LARGE1: variants seen among roughly 807,000 people sequenced by gnomAD.
LARGE1 encodes xylosyl- and glucuronyltransferase LARGE1.
In LARGE1, 43 loss-of-function variants were observed where a neutral mutation model predicts 87.6. The observed-to-expected ratio is 0.49, with a 90% CI of 0.38 to 0.63. The LOEUF (loss-of-function observed/expected upper bound fraction) is 0.63, where lower values mean the gene tolerates loss of function less well. Ranked by LOEUF, LARGE1 falls within the 30% of genes least tolerant of loss-of-function variation. The probability of loss-of-function intolerance (pLI) is 0.00; values close to 1 mark genes in which losing one functional copy is unlikely to be tolerated. For synonymous variants in LARGE1, 434 were observed against 394.6 expected (o/e 1.10, Z -1.18); for missense variants, 802 against 1,000.2 (o/e 0.80, Z 2.67).
chr22:33,760,417 C>A (rs2084680289), intron 2 of LARGE1, among the ~76,000 whole-genome samples: 1 of 151,978 alleles, frequency 6.6e-6, no homozygotes, highest in African/African-American at 2.4e-5. Context: ...TGCGCTCGGC[C>A]CCTCATGTAA....
the LARGE1 span, chr22:33,137,128 C>T: frequency 6.6e-6 from 1 of 152,062 alleles, no homozygotes; most frequent in African/African-American, 2.4e-5. Context: ...ACAAAATGCC[C>T]CTGTCCTGAT....
At chr22:33,557,845 G>C (rs1252096184) in intron 6 of LARGE1, among the ~76,000 whole-genome samples, 1 of 152,266 alleles carries the variant, frequency 6.6e-6, no homozygotes, top group East Asian at 1.9e-4. Context: ...GGGATTATGG[G>C]CACGAGCCAC....
rs141814961 is a variant in LARGE1, at chr22:33,201,292, G to C, written c.1731-34460C>G. 2.4e-3 allele frequency among the ~76,000 whole-genome samples: 357 copies of C among 151,166 alleles called. 2 individuals carry two copies. The highest frequency in any genetic ancestry group is 8.3e-3 in the African/African-American group (341 of 41,090). On this transcript the variant is annotated intron_variant, in intron 11 of 11. Coordinates refer to the LARGE1 transcript ENST00000608642. ...CATTGCACTCCAGTCTGGGCAACAA[G>C]AGCGAAACTCCATCTCAAAAAGAAA... is the stretch of plus-strand genomic sequence containing the variant.
At chr22:33,802,383 A>C (rs1392945159) in intron 1 of LARGE1, among the ~76,000 whole-genome samples, 1 of 152,182 alleles carries the variant, frequency 6.6e-6, no homozygotes, top group East Asian at 1.9e-4. Context: ...TCTTCCTTTG[A>C]TTATCACTGG....
chr22:33,422,095 C>T (rs1345853463), intron 7 of LARGE1, among the ~76,000 whole-genome samples: 13 of 152,230 alleles, frequency 8.5e-5, no homozygotes, highest in African/African-American at 3.1e-4. Flanking sequence ...AAACACAGCA[C>T]AGCTTTGCAT....
At chr22:33,277,357 C>T (rs538281337) in intron 13 of LARGE1, 102 bp from the exon 14 acceptor site, 26 of 1,120,960 alleles carry the variant, frequency 2.3e-5, no homozygotes, top group South Asian at 1.2e-4. Flanking sequence ...ATGTAGTCCT[C>T]GGGTGAGTTG....
intron 3 of LARGE1, among the ~76,000 whole-genome samples, chr22:33,650,152 C>T (rs1022062086): frequency 2.0e-5 from 3 of 152,200 alleles, no homozygotes; most frequent in Non-Finnish European, 4.4e-5. Flanking sequence ...GCCTTCTTAT[C>T]CCCATTTTCA....
chr22:33,137,763 C>T, the LARGE1 span, among the ~76,000 whole-genome samples: 60 of 152,328 alleles, frequency 3.9e-4, no homozygotes, highest in African/African-American at 1.3e-3. Flanking sequence ...AAGCCCCAAG[C>T]CTTGGCAGCT....
chr22:33,634,469 C>T (rs768725422), intron 3 of LARGE1, among the ~76,000 whole-genome samples: 5 of 152,164 alleles, frequency 3.3e-5, no homozygotes, highest in South Asian at 4.2e-4. Flanking sequence ...TGAGAGAGTA[C>T]GAGGGCGTGC....
chr22:33,584,270 C>T (rs919305161), intron 5 of LARGE1, among the ~76,000 whole-genome samples: 8 of 152,162 alleles, frequency 5.3e-5, no homozygotes, highest in Non-Finnish European at 7.3e-5. Flanking sequence ...AATGCTCTTA[C>T]GCCTCCTCTT....
rs561400062 is a variant in LARGE1, at chr22:33,849,734, G to A, written c.-83+70261C>T. Among the ~76,000 whole-genome samples, 310 of 151,832 alleles carry A rather than the reference G, an allele frequency of 2.0e-3. 1 individual carries two copies. Among genetic ancestry groups the A allele is most frequent in the South Asian group, 3.1e-3 (15 of 4,796 alleles). ...CTGCCTCAGCCTTCCAAGAAGCTGG[G>A]ATTACAGATGAGCACCACCATGCCC... On this transcript the variant is annotated intron_variant, in intron 1 of 14. Transcript: ENST00000397394.
chr22:33,577,171 G>C (rs2078379184), intron 5 of LARGE1, among the ~76,000 whole-genome samples: 1 of 151,790 alleles, frequency 6.6e-6, no homozygotes, highest in South Asian at 2.1e-4. Flanking sequence ...TGGTTCTTGT[G>C]GGGATCAAAA....
chr22:33,539,690 A>G (rs951232918), intron 6 of LARGE1, among the ~76,000 whole-genome samples: 2 of 151,530 alleles, frequency 1.3e-5, no homozygotes, highest in African/African-American at 4.9e-5. Flanking sequence ...TTCCAGGTTC[A>G]GGTGATCCTC....
At chr22:33,136,303 T>C in the LARGE1 span, among the ~76,000 whole-genome samples, 6 of 152,172 alleles carry the variant, frequency 3.9e-5, no homozygotes, top group East Asian at 1.9e-4. Flanking sequence ...CTCACAATTA[T>C]GGTAGAAGGT....
At chr22:33,642,344 T>C (rs2080460361) in intron 3 of LARGE1, among the ~76,000 whole-genome samples, 2 of 152,174 alleles carry the variant, frequency 1.3e-5, no homozygotes, top group South Asian at 2.1e-4. Flanking sequence ...CTGAAGGATT[T>C]TGTCACCACT....
chr22:33,914,988 A>C (rs1159603822), intron 1 of LARGE1, among the ~76,000 whole-genome samples: 3 of 150,970 alleles, frequency 2.0e-5, no homozygotes. Flanking sequence ...TGGATGATAG[A>C]GACAAGACAA....
At chr22:33,084,093 C>A in the LARGE1 span, among the ~76,000 whole-genome samples, 6 of 152,130 alleles carry the variant, frequency 3.9e-5, no homozygotes, top group Non-Finnish European at 7.4e-5. Flanking sequence ...TGAAAATGAC[C>A]ATTCCATTGG....
intron 1 of LARGE1, among the ~76,000 whole-genome samples, chr22:33,787,964 A>G (rs1387492270): frequency 6.6e-6 from 1 of 152,206 alleles, no homozygotes; most frequent in African/African-American, 2.4e-5. Context: ...GCCAAACACT[A>G]TAAAGGGATA....
At chr22:33,514,479 A>G (rs976845110) in intron 6 of LARGE1, among the ~76,000 whole-genome samples, 2 of 152,246 alleles carry the variant, frequency 1.3e-5, no homozygotes, top group Admixed American at 6.5e-5. Flanking sequence ...GAAAATAAAA[A>G]TAAACGAAAG....
Sources: allele counts gnomAD v4.1 joint callset (sites outside exome capture counted in the v4.1 genomes callset), GRCh38; gene constraint gnomAD v4.1.1; transcripts MANE v1.5; gene names NCBI Gene and HGNC (gene_info 2026-07-23, HGNC 2026-07-21).